SLC16A7: variants seen among roughly 807,000 people sequenced by gnomAD.
The protein encoded by SLC16A7 is solute carrier family 16 member 7.
In SLC16A7, 33 loss-of-function variants were observed where a neutral mutation model predicts 34.9. The ratio of observed to expected loss-of-function variants is 0.94; its 90% CI spans 0.72 to 1.26. SLC16A7 has a LOEUF of 1.26. SLC16A7 is among the 50% of genes most tolerant of loss of function. SLC16A7 has a pLI of 0.00. For missense variants in SLC16A7, 573 were observed against 578.1 expected (o/e 0.99, Z 0.09); for synonymous variants, 201 against 206.6 (o/e 0.97, Z 0.23).
chr12:59,637,253 A>G (rs1880470189), intron 1 of SLC16A7, among the ~76,000 whole-genome samples: 2 of 152,262 alleles, frequency 1.3e-5, no homozygotes, highest in South Asian at 4.1e-4. Context: ...TTAAGATACC[A>G]CAAAGTGTTA....
chr12:59,729,909 T>C (rs1876735057), intron 3 of SLC16A7, among the ~76,000 whole-genome samples: 1 of 152,208 alleles, frequency 6.6e-6, no homozygotes, highest in African/African-American at 2.4e-5. Context: ...AAGCTAAAAG[T>C]AAGTTTAGGA....
chr12:59,672,161 C>T (rs1442774977), intron 2 of SLC16A7, among the ~76,000 whole-genome samples: 1 of 76,478 alleles, frequency 1.3e-5, no homozygotes, highest in African/African-American at 6.0e-5. Flanking sequence ...TGCATATATA[C>T]GTATATATAT....
intron 1 of SLC16A7, among the ~76,000 whole-genome samples, chr12:59,636,950 G>A (rs905263769): frequency 3.3e-5 from 5 of 151,914 alleles, no homozygotes; most frequent in African/African-American, 1.2e-4. Context: ...TCCATTATGG[G>A]CCTGTAGAAG....
At position 59,596,749 on chromosome 12, in the gene SLC16A7, C is replaced by T. The variant is rs915498472; in HGVS notation, c.-130+513C>T. Among the ~76,000 whole-genome samples the T allele has an allele frequency of 2.6e-5, 4 of 152,112 alleles. No homozygotes were observed. The highest frequency in any genetic ancestry group is 5.9e-5 in the Non-Finnish European group (4 of 68,020). On this transcript the variant is annotated intron_variant, in intron 1 of 5. Transcript: ENST00000547379. This position sits in a 1 kb window ranked among gnomAD's most constrained non-coding sequence, Gnocchi z 5.0. ...GCGGGGGTGGAGTGTGTGGAGAGAA[C>T]GTCTTCTCTTTGAGCAGATGATCAG...
At chr12:59,653,644 A>T (rs1003631360) in intron 1 of SLC16A7, among the ~76,000 whole-genome samples, 2 of 151,690 alleles carry the variant, frequency 1.3e-5, no homozygotes, top group African/African-American at 4.8e-5. Context: ...ATTTGCATGT[A>T]AAATTCACAA....
chr12:59,748,725 G>A (rs35755432), intron 3 of SLC16A7, among the ~76,000 whole-genome samples: 11,621 of 152,220 alleles, frequency 0.076, 538 homozygotes, highest in South Asian at 0.17. Context: ...GCCAACAGGT[G>A]TGAAAACCTT....
In SLC16A7 at chr12:59,788,682, C is replaced by T. The variant is rs1268263406; in HGVS notation, c.*9003C>T. 1 of 151,828 alleles carries T rather than the reference C, an allele frequency of 6.6e-6. No individual in the cohort carries two copies. Among genetic ancestry groups the T allele is most frequent in the African/African-American group, 2.4e-5 (1 of 41,392 alleles). The allele number at this position is 151,828 out of a possible 1,614,324, so 9.4% of individuals were successfully genotyped here. On this transcript the variant is annotated 3_prime_UTR_variant, in exon 6 of 6. Coordinates refer to ENST00000547379, the MANE Select transcript of SLC16A7 (RefSeq NM_001270623.2). Reference sequence around the variant, plus strand: ...TGTACTTAAAGTATTGTTATGTGATCTTGGGATACTTATTTATTTTTGAAA... The same window carrying T: ...TGTACTTAAAGTATTGTTATGTGATTTTGGGATACTTATTTATTTTTGAAA...
chr12:59,765,158 C>G (rs894896249), intron 3 of SLC16A7, among the ~76,000 whole-genome samples: 1 of 152,068 alleles, frequency 6.6e-6, no homozygotes, highest in Non-Finnish European at 1.5e-5. Context: ...TCATATCCTT[C>G]GCCCACTTTT....
chr12:59,729,745 A>C (rs1173103943), intron 3 of SLC16A7, among the ~76,000 whole-genome samples: 5 of 152,162 alleles, frequency 3.3e-5, no homozygotes, highest in Admixed American at 2.6e-4. Flanking sequence ...TTCATTTGTC[A>C]CTTAAAATTG....
chr12:59,668,178 C>A (rs1196818042), intron 2 of SLC16A7, among the ~76,000 whole-genome samples: 1 of 152,190 alleles, frequency 6.6e-6, no homozygotes, highest in African/African-American at 2.4e-5. Flanking sequence ...ACAGAGTCCC[C>A]ACTGGGGCAC....
intron 2 of SLC16A7, among the ~76,000 whole-genome samples, chr12:59,695,039 G>C (rs761167769): frequency 1.3e-5 from 2 of 151,724 alleles, no homozygotes; most frequent in Non-Finnish European, 2.9e-5. Context: ...ATTTGGACTT[G>C]TCAAGATCTC....
chr12:59,721,639 T>TCTCTTC (rs1233333184), intron 3 of SLC16A7, among the ~76,000 whole-genome samples: 1 of 151,842 alleles, frequency 6.6e-6, no homozygotes, highest in Non-Finnish European at 1.5e-5. Context: ...CTCCAGTTTC[T>TCTCTTC]CTCTTCCCCT....
chr12:59,707,937 TG>T (rs979127878), intron 3 of SLC16A7, among the ~76,000 whole-genome samples: 6 of 152,146 alleles, frequency 3.9e-5, no homozygotes, highest in Admixed American at 3.3e-4. Context: ...CATTGTCTAG[TG>T]GATGAAAATG....
intron 1 of SLC16A7, among the ~76,000 whole-genome samples, chr12:59,611,803 T>G (rs140300116): frequency 7.9e-5 from 12 of 152,318 alleles, no homozygotes; most frequent in African/African-American, 2.9e-4. Flanking sequence ...AATCCAATAG[T>G]TCATTCATTT....
At chr12:59,687,249 C>T (rs1693619) in intron 2 of SLC16A7, among the ~76,000 whole-genome samples, 6,646 of 151,882 alleles carry the variant, frequency 0.044, 460 homozygotes, top group African/African-American at 0.15. Context: ...TTCAATCCTG[C>T]AAGTCCTGTA....
At chr12:59,717,868 A>G (rs1217775497) in intron 3 of SLC16A7, among the ~76,000 whole-genome samples, 2 of 152,184 alleles carry the variant, frequency 1.3e-5, no homozygotes. Flanking sequence ...AATGTTGAAC[A>G]ATTATATTTA....
intron 2 of SLC16A7, among the ~76,000 whole-genome samples, chr12:59,687,315 G>A (rs2137085867): frequency 6.6e-6 from 1 of 151,912 alleles, no homozygotes; most frequent in East Asian, 1.9e-4. Context: ...TGGCCTTATT[G>A]CTTCCATAGT....
intron 2 of SLC16A7, among the ~76,000 whole-genome samples, chr12:59,685,680 A>G (rs1267024694): frequency 6.6e-6 from 1 of 152,152 alleles, no homozygotes; most frequent in African/African-American, 2.4e-5. Context: ...AGGGAACTAA[A>G]TAACATACAT....
chr12:59,756,127 A>C (rs2137361513), intron 3 of SLC16A7, among the ~76,000 whole-genome samples: 1 of 152,310 alleles, frequency 6.6e-6, no homozygotes, highest in Non-Finnish European at 1.5e-5. Context: ...TAAAGTCTTA[A>C]ACGTTAGACC....
Sources: allele counts gnomAD v4.1 joint callset (sites outside exome capture counted in the v4.1 genomes callset), GRCh38; gene constraint gnomAD v4.1.1; non-coding constraint Gnocchi (gnomAD v3.1); transcripts MANE v1.5; gene names NCBI Gene and HGNC (gene_info 2026-07-23, HGNC 2026-07-21).